Variants in KIF13A observed in about 807,000 individuals in gnomAD.
KIF13A encodes kinesin family member 13A, also known as kinesin-like protein KIF13A.
KIF13A carries 79 observed loss-of-function variants against 212.2 expected under a neutral mutation model. That is an observed-to-expected ratio of 0.37 (90% CI 0.31 to 0.45). The LOEUF is 0.45. Ranked by LOEUF, KIF13A falls within the 20% of genes least tolerant of loss-of-function variation. The probability of loss-of-function intolerance (pLI) is 1.00; values close to 1 mark genes in which losing one functional copy is unlikely to be tolerated. For missense variants in KIF13A, 1,901 were observed against 2,209.0 expected (o/e 0.86, Z 2.79); for synonymous variants, 789 against 808.6 (o/e 0.98, Z 0.41).
At chr6:17,775,425 C>T (rs940927556) in intron 34 of KIF13A, among the ~76,000 whole-genome samples, 29 of 152,116 alleles carry the variant, frequency 1.9e-4, no homozygotes, top group African/African-American at 6.8e-4. Flanking sequence ...TTATGAGAAT[C>T]TCTAGAGTAT....
At chr6:17,814,950 G>C (rs899023727) in intron 17 of KIF13A, among the ~76,000 whole-genome samples, 5 of 152,164 alleles carry the variant, frequency 3.3e-5, no homozygotes, top group African/African-American at 1.2e-4. Context: ...GCTGGGCCCG[G>C]GGGACCACTA....
At chr6:17,909,224 G>A (rs1200154962) in intron 2 of KIF13A, among the ~76,000 whole-genome samples, 1 of 152,176 alleles carries the variant, frequency 6.6e-6, no homozygotes, top group African/African-American at 2.4e-5. Context: ...ATAAAACAGG[G>A]TTCTTTCCCT....
chr6:17,888,263 C>A lies in KIF13A; in HGVS notation c.159+9905G>T, dbSNP rs879497214. Reference sequence around the variant, plus strand: ...TTTAGTCACTCTTGAGCCTAGGAAACAATTCCTAGGAAAAACGTATAGTGA... The same window carrying A: ...TTTAGTCACTCTTGAGCCTAGGAAAAAATTCCTAGGAAAAACGTATAGTGA... On this transcript the variant is annotated intron_variant, in intron 3 of 38. Transcript: ENST00000259711. This position sits in a 1 kb window ranked among gnomAD's most constrained non-coding sequence, Gnocchi z 4.8. Among the ~76,000 whole-genome samples, 2 of 152,096 alleles carry A rather than the reference C, an allele frequency of 1.3e-5. No homozygotes were observed. Among genetic ancestry groups the A allele is most frequent in the Non-Finnish European group, 2.9e-5 (2 of 68,030 alleles).
At position 17,871,060 on chromosome 6, in the gene KIF13A, T is replaced by G. The variant is rs190085047; in HGVS notation, c.220+2317A>C. ...CACAGGTCTCACGTCAAAATCCATGTGCTCTCCTTGACACATGTCACTTCC... is the reference window on the plus strand; with the variant it reads ...CACAGGTCTCACGTCAAAATCCATGGGCTCTCCTTGACACATGTCACTTCC... On this transcript the variant is annotated intron_variant, in intron 4 of 38. Transcript: ENST00000259711. This position sits in a 1 kb window ranked among gnomAD's most constrained non-coding sequence, Gnocchi z 4.4. Among the ~76,000 whole-genome samples, 3 of 152,368 alleles carry G rather than the reference T, an allele frequency of 2.0e-5. No homozygotes were observed. The highest frequency in any genetic ancestry group is 2.0e-4 in the Admixed American group (3 of 15,300).
intron 2 of KIF13A, among the ~76,000 whole-genome samples, chr6:17,917,164 C>G (rs1273289630): frequency 6.6e-6 from 1 of 151,148 alleles, no homozygotes; most frequent in East Asian, 1.9e-4. Context: ...CTCACATATT[C>G]TACTCTACGG....
intron 2 of KIF13A, among the ~76,000 whole-genome samples, chr6:17,955,521 A>G (rs77972788): frequency 0.027 from 4,052 of 152,342 alleles, 95 homozygotes; most frequent in Admixed American, 0.048. Flanking sequence ...ATATATTTGA[A>G]GAAGTGATTT....
At chr6:17,860,069 C>T (rs141892048) in intron 4 of KIF13A, among the ~76,000 whole-genome samples, 1 of 152,248 alleles carries the variant, frequency 6.6e-6, no homozygotes, top group East Asian at 1.9e-4. Context: ...TCCCTACTGT[C>T]AAGGCTGATT....
chr6:17,778,209 T>G (rs1760171753), intron 33 of KIF13A, among the ~76,000 whole-genome samples: 1 of 152,192 alleles, frequency 6.6e-6, no homozygotes, highest in South Asian at 2.1e-4. Flanking sequence ...GTTGTGAAAT[T>G]TTTATACAGG....
chr6:17,939,652 T>G (rs901359488), intron 2 of KIF13A, among the ~76,000 whole-genome samples: 1 of 152,108 alleles, frequency 6.6e-6, no homozygotes, highest in Non-Finnish European at 1.5e-5. Context: ...CAGCATGAGG[T>G]AAAGAAGCGG....
intron 4 of KIF13A, among the ~76,000 whole-genome samples, chr6:17,865,451 A>T (rs1333457680): frequency 6.6e-6 from 1 of 152,178 alleles, no homozygotes; most frequent in Non-Finnish European, 1.5e-5. Context: ...ATGAGTCTGG[A>T]CTTGGCAGGT....
chr6:17,909,103 T>C (rs762966507), intron 2 of KIF13A, among the ~76,000 whole-genome samples: 12 of 152,272 alleles, frequency 7.9e-5, no homozygotes, highest in Non-Finnish European at 1.3e-4. Context: ...ATGCCATTGC[T>C]GTTGTTACAA....
Position 17,780,235 on chromosome 6 carries a change from G to T in KIF13A, c.3846+495C>A, listed in dbSNP as rs1408956503. On this transcript the variant is annotated intron_variant, in intron 31 of 38. Transcript: ENST00000259711. ...CAGCATGTTCAGGATTTCTGTGGTT[G>T]CTTCTCTCTCCCATCTGCTGCCTTC... Among the ~76,000 whole-genome samples, 3 of 152,310 alleles carry T rather than the reference G, an allele frequency of 2.0e-5. No individual in the cohort carries two copies. The East Asian group carries it at 5.8e-4, about 29-fold the overall frequency.
At chr6:17,932,216 T>C (rs1041000470) in intron 2 of KIF13A, among the ~76,000 whole-genome samples, 2 of 152,158 alleles carry the variant, frequency 1.3e-5, no homozygotes, top group African/African-American at 4.8e-5. Context: ...GTAGACATAC[T>C]GTTTAAAATT....
chr6:17,862,865 G>A (rs1246144612), intron 4 of KIF13A, among the ~76,000 whole-genome samples: 1 of 152,132 alleles, frequency 6.6e-6, no homozygotes, highest in Admixed American at 6.5e-5. Flanking sequence ...GGAGAATGGC[G>A]TGAACCCGGG....
chr6:17,846,622 A>G (rs950127362), intron 9 of KIF13A, among the ~76,000 whole-genome samples: 12 of 149,788 alleles, frequency 8.0e-5, no homozygotes, highest in African/African-American at 1.2e-4. Context: ...AAAAAAAAAA[A>G]AAAGGGAAGG....
chr6:17,979,589 C>G (rs879537030), intron 2 of KIF13A, among the ~76,000 whole-genome samples: 47 of 152,162 alleles, frequency 3.1e-4, no homozygotes, highest in African/African-American at 1.0e-3. Context: ...GGAGAAACCT[C>G]AGAGTTTAGG....
intron 9 of KIF13A, among the ~76,000 whole-genome samples, chr6:17,848,155 G>GT (rs1767260510): frequency 1.3e-5 from 2 of 152,020 alleles, no homozygotes; most frequent in Admixed American, 1.3e-4. Flanking sequence ...TATTTATGGG[G>GT]TAAAGTGTGA....
intron 38 of KIF13A, among the ~76,000 whole-genome samples, chr6:17,767,744 C>A (rs1420855352): frequency 6.6e-6 from 1 of 152,098 alleles, no homozygotes; most frequent in African/African-American, 2.4e-5. Flanking sequence ...AATTTGGAGT[C>A]CTTTATATGC....
At position 17,787,008 on chromosome 6, in the gene KIF13A, C is replaced by T. The variant is rs1379929579; in HGVS notation, c.3361+768G>A. Among the ~76,000 whole-genome samples, 1 of 152,172 alleles carries T rather than the reference C, an allele frequency of 6.6e-6. No individual in the cohort carries two copies. Among genetic ancestry groups the T allele is most frequent in the Non-Finnish European group, 1.5e-5 (1 of 68,016 alleles). Reference sequence around the variant, plus strand: ...ACTGCTAGCATAAGCAAACTGCACCCTTGGAGCTGAGTGGCAGTGAATAGA... The same window carrying T: ...ACTGCTAGCATAAGCAAACTGCACCTTTGGAGCTGAGTGGCAGTGAATAGA... On this transcript the variant is annotated intron_variant, in intron 27 of 38. Coordinates refer to ENST00000259711, the MANE Select transcript of KIF13A (RefSeq NM_022113.6). The surrounding 1 kb of genome is among the most constrained non-coding windows in gnomAD (Gnocchi z 4.6).
Sources: gnomAD v4.1 joint callset for allele counts (sites outside exome capture counted in the v4.1 genomes callset) on GRCh38, gnomAD v4.1.1 for gene constraint, Gnocchi (gnomAD v3.1) non-coding constraint, MANE v1.5 for transcripts, NCBI Gene and HGNC (gene_info 2026-07-23, HGNC 2026-07-21) for gene names.